The following MMP8 variants were observed in gnomAD, a reference collection of about 807,000 sequenced individuals.
MMP8 encodes neutrophil collagenase.
In MMP8, 67 loss-of-function variants were observed where a neutral mutation model predicts 51.2. The observed-to-expected ratio is 1.31, with a 90% confidence interval of 1.08 to 1.60. The LOEUF (loss-of-function observed/expected upper bound fraction) is 1.60. Ranked by LOEUF, MMP8 falls within the 40% of genes most tolerant of loss-of-function variation. The pLI is 0.00. For missense variants in MMP8, 654 were observed against 558.1 expected, an observed-to-expected ratio of 1.17 and a Z score of -1.73; for synonymous variants, 225 against 191.0, an observed-to-expected ratio of 1.18 and a Z score of -1.47.
rs916298463 is a variant in MMP8, at chr11:102,722,511, G to A, written c.265C>T (p.Pro89Ser). Reference sequence around the variant, plus strand: ...CCACTGTCAGGCACTCCACAGCGAGGCTTTTTCATCATGTCCAGAGTTTCC... The same window carrying A: ...CCACTGTCAGGCACTCCACAGCGAGACTTTTTCATCATGTCCAGAGTTTCC... ...NEETLDMMKK[P>S]RCGVPDSGGF... The change falls in exon 2 of 10, where the codon CCT (proline) becomes TCT (serine). Residue 89 changes from proline (P) to serine (S), a missense_variant. Pro to Ser is a moderately conservative substitution (Grantham distance 74). Coordinates refer to ENST00000236826, the MANE Select transcript of MMP8 (RefSeq NM_002424.3). 6.2e-7 allele frequency: 1 copy of A among 1,613,918 alleles called. No individual in the cohort carries two copies. Among genetic ancestry groups the A allele is most frequent in the South Asian group, 1.1e-5 (1 of 91,080 alleles).
Position 102,714,610 on chromosome 11 carries a change from G to A in MMP8, c.1136C>T (p.Ala379Val). Residue 379 changes from alanine (A) to valine (V), a missense_variant, in exon 8 of 10, where the codon GCA becomes GTA. By Grantham distance (64) the Ala-to-Val change is moderately conservative. Coordinates refer to ENST00000236826, the MANE Select transcript of MMP8 (RefSeq NM_002424.3). ...GFPSSVQAIDAAVFYRSKTYF... is the reference protein window; with the variant it reads ...GFPSSVQAIDVAVFYRSKTYF... The stretch of plus-strand genomic sequence containing the variant: ...TGTTTTACTTCTGTAGAAAACAGCT[G>A]CGTCAATTGCTTGGACGCTGCTGGG... 1 of 1,522,280 alleles carries A rather than the reference G, an allele frequency of 6.6e-7. No individual in the cohort carries two copies. Among genetic ancestry groups the A allele is most frequent in the Non-Finnish European group, 8.8e-7 (1 of 1,136,624 alleles). 94.3% of individuals were successfully genotyped at this position (1,522,280 alleles called of 1,614,324 possible). A position where few individuals can be genotyped will look rare whatever the true frequency, so the allele number is the denominator to read the frequency against.
chr11:102,714,741 G>A (rs4369371), intron 7 of MMP8, 32 bp from the exon 8 acceptor site: 16 of 1,264,300 alleles, frequency 1.3e-5, no homozygotes, highest in South Asian at 2.0e-5. Flanking sequence ...TGTTAAATAC[G>A]ACTTTTCCAT....
In MMP8 at chr11:102,712,773, G is replaced by T. The variant is rs1223208200; in HGVS notation, c.*575C>A. 1 of 152,284 alleles carries T rather than the reference G, an allele frequency of 6.6e-6. No homozygotes were observed. Among genetic ancestry groups the T allele is most frequent in the Admixed American group, 6.5e-5 (1 of 15,274 alleles). 9.4% of individuals were successfully genotyped at this position (152,284 alleles called of 1,614,324 possible). ...ACTAATTACATCTGCAAAGACCCTG[G>T]TAAGCTCACATTCATGGGTACCTGG... On this transcript the variant is annotated 3_prime_UTR_variant, in exon 10 of 10. Coordinates refer to ENST00000236826, the MANE Select transcript of MMP8 (RefSeq NM_002424.3).
rs1233698495 is a variant in MMP8 at position 102,712,534 on chromosome 11, A to G, written c.*814T>C. 6.6e-6 allele frequency: 1 copy of G among 152,174 alleles called. No individual in the cohort carries two copies. Among genetic ancestry groups the G allele is most frequent in the African/African-American group, 2.4e-5 (1 of 41,436 alleles). 9.4% of individuals were successfully genotyped at this position (152,174 alleles called of 1,614,324 possible). On this transcript the variant is annotated 3_prime_UTR_variant, in exon 10 of 10. Coordinates refer to ENST00000236826, the MANE Select transcript of MMP8 (RefSeq NM_002424.3). The stretch of plus-strand genomic sequence containing the variant: ...GTCAGCAGGGTCACACTTGAAGGCT[A>G]TTGGAGGGAATCCTTCCTTGCCTCT...
intron 4 of MMP8, among the ~76,000 whole-genome samples, chr11:102,719,730 T>C (rs1861413833): frequency 1.3e-5 from 2 of 152,244 alleles, no homozygotes; most frequent in African/African-American, 4.8e-5. Flanking sequence ...AAAATATCTT[T>C]GAATGCTTGG....
At chr11:102,723,969 C>T in intron 1 of MMP8, 1 of 299,548 alleles carries the variant, frequency 3.3e-6, no homozygotes, top group Non-Finnish European at 7.1e-6. Flanking sequence ...AATAATGCTC[C>T]AATAAGGTTC....
Position 102,718,561 on chromosome 11 carries a change from G to A in MMP8, c.637C>T (p.Leu213Phe), listed in dbSNP as rs1181956516. The change falls in exon 5 of 10, where the codon CTT (leucine) becomes TTT (phenylalanine). Residue 213 changes from leucine (L) to phenylalanine (F), a missense_variant. Transcript: ENST00000236826. ...TGGCCAAATTCATGAGCAGCAACAA[G>A]AAACAAGTTGTAATCTGAAATGCAA... ...TNTSANYNLFLVAAHEFGHSL... is the reference protein window; with the variant it reads ...TNTSANYNLFFVAAHEFGHSL... The A allele has an allele frequency of 3.7e-6, 6 of 1,613,758 alleles. No individual in the cohort carries two copies. The African/African-American group carries it at 6.7e-5, about 18-fold the overall frequency.
At chr11:102,715,683 G>A (rs1311618821) in intron 6 of MMP8, among the ~76,000 whole-genome samples, 1 of 152,164 alleles carries the variant, frequency 6.6e-6, no homozygotes, top group East Asian at 1.9e-4. Flanking sequence ...GATTACATTT[G>A]GCATTGTCCT....
intron 2 of MMP8, among the ~76,000 whole-genome samples, chr11:102,721,970 A>G (rs1370661250): frequency 6.6e-6 from 1 of 152,178 alleles, no homozygotes; most frequent in Non-Finnish European, 1.5e-5. Flanking sequence ...CCTATTCATA[A>G]AATGAGGATA....
chr11:102,716,171 A>G (rs1017296495), intron 6 of MMP8, 131 bp downstream of exon 6: 6 of 634,336 alleles, frequency 9.5e-6, no homozygotes, highest in Non-Finnish European at 1.1e-5. Flanking sequence ...CCCAGAACCT[A>G]TAAAAAATTC....
chr11:102,713,278 T>C lies in MMP8; in HGVS notation c.*70A>G. On this transcript the variant is annotated 3_prime_UTR_variant, in exon 10 of 10. Coordinates refer to ENST00000236826, the MANE Select transcript of MMP8 (RefSeq NM_002424.3). ...TGAGAAAAGTATAAGCAGGACACAA[T>C]GTAACGAAAATGCTTGCTGAACTTC... is the stretch of plus-strand genomic sequence containing the variant. 1.9e-6 allele frequency: 2 copies of C among 1,026,670 alleles called. No individual in the cohort carries two copies. Among genetic ancestry groups the C allele is most frequent in the South Asian group, 2.6e-5 (2 of 78,358 alleles). 63.6% of individuals were successfully genotyped at this position (1,026,670 alleles called of 1,614,324 possible).
At chr11:102,723,182 A>C in intron 1 of MMP8, 3 of 505,300 alleles carry the variant, frequency 5.9e-6, no homozygotes, top group Non-Finnish European at 1.0e-5. Context: ...TAATTTCAAA[A>C]TAATTTCAAA....
In MMP8 at chr11:102,721,528, T is replaced by C; in HGVS notation, c.497-2A>G. 6.2e-7 allele frequency: 1 copy of C among 1,613,848 alleles called. No homozygotes were observed. The highest frequency in any genetic ancestry group is 1.3e-5 in the African/African-American group (1 of 75,040). Reference sequence around the variant, plus strand: ...CAAATGGAGAATTGTCACCGTGATCTGAAATAAGAACATTTGTATTAGATC... The same window carrying C: ...CAAATGGAGAATTGTCACCGTGATCCGAAATAAGAACATTTGTATTAGATC... On this transcript the variant is annotated splice_acceptor_variant, in intron 3 of 9. Transcript: ENST00000236826. LOFTEE classifies it high-confidence loss of function.
chr11:102,716,282 G>A lies in MMP8; in HGVS notation c.902+20C>T, dbSNP rs573839573. 27 of 1,504,936 alleles carry A rather than the reference G, an allele frequency of 1.8e-5. No individual in the cohort carries two copies. In the South Asian group the frequency reaches 3.0e-4, roughly 17 times the overall value. 93.2% of individuals were successfully genotyped at this position (1,504,936 alleles called of 1,614,324 possible). On this transcript the variant is annotated intron_variant, in intron 6 of 9. Coordinates refer to ENST00000236826, the MANE Select transcript of MMP8 (RefSeq NM_002424.3). ...ATGTCAGTAAGAGGAATCAAAGGAA[G>A]AAATATTTCAATTTTATACCTGTCT...
In MMP8 at chr11:102,714,619, G is replaced by T. The variant is rs752968761; in HGVS notation, c.1127C>A (p.Ala376Glu). ...SNYGFPSSVQ[A>E]IDAAVFYRSK... ...TCTGTAGAAAACAGCTGCGTCAATT[G>T]CTTGGACGCTGCTGGGGAAGCCATA... The change falls in exon 8 of 10, where the codon GCA (alanine) becomes GAA (glutamate). Residue 376 changes from alanine (A) to glutamate (E), a missense_variant. Transcript: ENST00000236826. The T allele has an allele frequency of 2.1e-5, 32 of 1,532,004 alleles. No individual in the cohort carries two copies. The highest frequency in any genetic ancestry group is 2.6e-5 in the Non-Finnish European group (30 of 1,141,230). 94.9% of individuals were successfully genotyped at this position (1,532,004 alleles called of 1,614,324 possible).
At chr11:102,718,305 A>G (rs948936574) in intron 5 of MMP8, 109 bp downstream of exon 5, 3 of 1,165,180 alleles carry the variant, frequency 2.6e-6, no homozygotes, top group African/African-American at 3.1e-5. Context: ...TTCAGAGTTC[A>G]GTTTTATGGA....
At chr11:102,721,283 A>T (rs1861460572) in intron 4 of MMP8, 118 bp downstream of exon 4, 1 of 1,417,404 alleles carries the variant, frequency 7.1e-7, no homozygotes, top group Non-Finnish European at 9.4e-7. Flanking sequence ...TCAAATGATC[A>T]CTTTTTGTGA....
intron 4 of MMP8, among the ~76,000 whole-genome samples, chr11:102,720,538 T>C (rs907390610): frequency 2.0e-5 from 3 of 152,180 alleles, no homozygotes; most frequent in African/African-American, 7.2e-5. Flanking sequence ...CAAGCAAAGG[T>C]AAAAGGTGCC....
intron 1 of MMP8, 92 bp from the exon 2 acceptor site, chr11:102,722,765 C>A: frequency 6.6e-7 from 1 of 1,515,370 alleles, no homozygotes; most frequent in African/African-American, 1.4e-5. Flanking sequence ...CTACAGAGGT[C>A]TGATAACTTG....
Sources: gnomAD v4.1 joint callset for allele counts (sites outside exome capture counted in the v4.1 genomes callset) on GRCh38, gnomAD v4.1.1 for gene constraint, MANE v1.5 for transcripts, NCBI Gene and HGNC (gene_info 2026-07-23, HGNC 2026-07-21) for gene names.